PKHD1: variants seen among roughly 807,000 people sequenced by gnomAD.
PKHD1 encodes the protein fibrocystin.
A neutral mutation model predicts 412.0 loss-of-function variants in PKHD1; 291 were observed. The ratio of observed to expected loss-of-function variants is 0.71; its 90% confidence interval spans 0.64 to 0.78. The LOEUF (loss-of-function observed/expected upper bound fraction) is 0.78. Among genes scored for constraint, PKHD1 ranks in the 30% least tolerant of loss-of-function variants. The pLI is 0.00. For synonymous variants in PKHD1, 1,777 were observed against 1,821.5 expected (o/e 0.98, Z 0.62); for missense variants, 4,825 against 4,950.7 (o/e 0.97, Z 0.76).
intron 43 of PKHD1, among the ~76,000 whole-genome samples, chr6:51,897,428 A>T (rs1413707569): frequency 6.6e-6 from 1 of 152,082 alleles, no homozygotes; most frequent in Non-Finnish European, 1.5e-5. Flanking sequence ...TCATAAGTGA[A>T]GGAGAAATAA....
intron 60 of PKHD1, among the ~76,000 whole-genome samples, chr6:51,716,376 T>C (rs944244834): frequency 1.3e-5 from 2 of 152,182 alleles, no homozygotes; most frequent in African/African-American, 4.8e-5. Flanking sequence ...AAAAGCATTA[T>C]CAACTTTAAA....
At chr6:51,641,323 C>A (rs1443250325) in intron 63 of PKHD1, among the ~76,000 whole-genome samples, 2 of 152,124 alleles carry the variant, frequency 1.3e-5, no homozygotes, top group Admixed American at 6.5e-5. Flanking sequence ...TTGAGTGTGG[C>A]TTGGTGTCCG....
intron 60 of PKHD1, among the ~76,000 whole-genome samples, chr6:51,670,857 A>G (rs567000225): frequency 6.6e-6 from 1 of 151,538 alleles, no homozygotes; most frequent in African/African-American, 2.4e-5. Context: ...CTTTTCTTTA[A>G]GAATGTTGAA....
intron 63 of PKHD1, among the ~76,000 whole-genome samples, chr6:51,647,134 G>A (rs1217275677): frequency 6.6e-6 from 1 of 152,074 alleles, no homozygotes. Flanking sequence ...CATATTTTCT[G>A]TGGATAATAT....
chr6:52,076,564 G>C (rs954863182), intron 5 of PKHD1, among the ~76,000 whole-genome samples: 1 of 152,054 alleles, frequency 6.6e-6, no homozygotes, highest in African/African-American at 2.4e-5. Context: ...TTTGATTAAG[G>C]TCACATAGCC....
intron 27 of PKHD1, among the ~76,000 whole-genome samples, chr6:52,041,919 T>G (rs908156995): frequency 6.6e-6 from 1 of 152,142 alleles, no homozygotes; most frequent in Non-Finnish European, 1.5e-5. Flanking sequence ...CTGTTTGCCT[T>G]AAGGTGGAGG....
At chr6:52,011,466 T>C (rs368297004) in intron 34 of PKHD1, among the ~76,000 whole-genome samples, 30 of 152,314 alleles carry the variant, frequency 2.0e-4, no homozygotes, top group African/African-American at 7.0e-4. Context: ...AACACAGAAC[T>C]ACGGTAGCTC....
At chr6:51,770,635 C>CT (rs11329580) in intron 55 of PKHD1, among the ~76,000 whole-genome samples, 179 of 149,496 alleles carry the variant, frequency 1.2e-3, no homozygotes, top group East Asian at 9.2e-3. Flanking sequence ...ATTTCATTTT[C>CT]TTTTTTTTTC....
chr6:51,692,286 CA>C (rs1473002532), intron 60 of PKHD1, among the ~76,000 whole-genome samples: 3 of 151,802 alleles, frequency 2.0e-5, no homozygotes, highest in African/African-American at 7.3e-5. Flanking sequence ...CACACACACA[CA>C]CACCACTGAG....
At chr6:51,753,925 C>T (rs1401619274) in intron 56 of PKHD1, among the ~76,000 whole-genome samples, 3 of 152,210 alleles carry the variant, frequency 2.0e-5, no homozygotes, top group Non-Finnish European at 2.9e-5. Context: ...TCACTGTCTA[C>T]CATTTGCATT....
intron 35 of PKHD1, among the ~76,000 whole-genome samples, chr6:51,964,970 A>AT (rs5876248): frequency 0.083 from 12,580 of 151,942 alleles, 612 homozygotes; most frequent in South Asian, 0.12. Context: ...ATTCCTTGCT[A>AT]TTTTTCCCCC....
intron 54 of PKHD1, among the ~76,000 whole-genome samples, chr6:51,773,227 G>A (rs560379932): frequency 1.8e-4 from 28 of 152,022 alleles, no homozygotes; most frequent in Non-Finnish European, 2.7e-4. Flanking sequence ...GGAGCTATTA[G>A]CTTTATGTTT....
intron 27 of PKHD1, 34 bp from the exon 28 acceptor site, chr6:52,035,755 C>A (rs746724406): frequency 3.7e-6 from 6 of 1,608,728 alleles, no homozygotes; most frequent in Non-Finnish European, 4.3e-6. Context: ...AATGGGATCA[C>A]CAACCATACA....
At chr6:51,901,693 A>C in intron 43 of PKHD1, among the ~76,000 whole-genome samples, 1 of 127,446 alleles carries the variant, frequency 7.8e-6, no homozygotes, top group African/African-American at 3.7e-5. Flanking sequence ...AAAAACTTAA[A>C]AAAAAAAAAA....
At chr6:51,772,562 T>A (rs1330089237) in intron 55 of PKHD1, 140 bp downstream of exon 55, 2 of 548,138 alleles carry the variant, frequency 3.6e-6, no homozygotes, top group East Asian at 5.7e-5. Context: ...AAATTCCCTA[T>A]AATCGCTTAT....
chr6:51,954,657 G>A (rs1207450444), intron 36 of PKHD1, among the ~76,000 whole-genome samples: 2 of 151,928 alleles, frequency 1.3e-5, no homozygotes, highest in East Asian at 3.9e-4. Flanking sequence ...GTATGTGTGT[G>A]GATAAATATG....
chr6:51,914,872 T>C (rs1007327770), intron 37 of PKHD1, among the ~76,000 whole-genome samples: 19 of 152,094 alleles, frequency 1.2e-4, no homozygotes, highest in African/African-American at 4.6e-4. Context: ...ATCTATCCTT[T>C]TAAAGCACAA....
At chr6:51,820,878 T>C (rs9349600) in intron 52 of PKHD1, among the ~76,000 whole-genome samples, 63,093 of 152,064 alleles carry the variant, frequency 0.41, 14,725 homozygotes, top group East Asian at 0.71. Flanking sequence ...CAACTGTACC[T>C]AAACCAATGA....
At chr6:51,848,207 C>T (rs1258809663) in intron 49 of PKHD1, among the ~76,000 whole-genome samples, 1 of 152,120 alleles carries the variant, frequency 6.6e-6, no homozygotes, top group African/African-American at 2.4e-5. Context: ...CTGAAAGATG[C>T]CATAAGGTTC....
Sources: gnomAD v4.1 joint callset for allele counts (sites outside exome capture counted in the v4.1 genomes callset) on GRCh38, gnomAD v4.1.1 for gene constraint, MANE v1.5 for transcripts, NCBI Gene and HGNC (gene_info 2026-07-23, HGNC 2026-07-21) for gene names.